The following TRPM7 variants were observed in gnomAD, a reference collection of about 807,000 sequenced individuals.
The protein encoded by TRPM7 is transient receptor potential cation channel subfamily M member 7, also known as LTRPC ion channel family member 7.
In TRPM7, 134 loss-of-function variants were observed where a neutral mutation model predicts 229.7. The observed-to-expected ratio is 0.58, with a 90% CI of 0.51 to 0.67. TRPM7 has a LOEUF of 0.67. Ranked by LOEUF, TRPM7 falls within the 30% of genes least tolerant of loss-of-function variation. The probability of loss-of-function intolerance (pLI) is 0.00; values close to 1 mark genes in which losing one functional copy is unlikely to be tolerated. For missense variants in TRPM7, 1,901 were observed against 2,210.0 expected, an observed-to-expected ratio of 0.86 and a Z score of 2.80; for synonymous variants, 699 against 715.2, an observed-to-expected ratio of 0.98 and a Z score of 0.36.
Position 50,657,804 on chromosome 15 carries a change from A to G in TRPM7, c.99T>C (p.Cys33=), listed in dbSNP as rs1459225063. 1 of 1,612,060 alleles carries G rather than the reference A, an allele frequency of 6.2e-7. No individual in the cohort carries two copies. The highest frequency in any genetic ancestry group is 1.7e-5 in the Admixed American group (1 of 59,978). The change falls in exon 3 of 39, where the codon TGT becomes TGC. Residue 33 remains cysteine, a synonymous_variant. Transcript: ENST00000646667. ...ACCTGACGAGTTGCTGACAAATTTG[A>G]CATCCTGGAAGGCATCTATTGAACA... ...SKDPHRCLPG[C]QICQQLVRCF... is the part of the protein sequence containing the mutation.
intron 36 of TRPM7, among the ~76,000 whole-genome samples, chr15:50,571,512 C>T (rs2053884646): frequency 6.6e-6 from 1 of 151,532 alleles, no homozygotes; most frequent in East Asian, 1.9e-4. Flanking sequence ...TAGACTATCA[C>T]GCAGCTTACT....
At chr15:50,609,255 A>G (rs138087346) in intron 19 of TRPM7, among the ~76,000 whole-genome samples, 5 of 152,332 alleles carry the variant, frequency 3.3e-5, no homozygotes, top group East Asian at 1.9e-4. Context: ...ACAAAAAATT[A>G]TAACTGTGTA....
intron 1 of TRPM7, among the ~76,000 whole-genome samples, chr15:50,663,954 G>C (rs2061805279): frequency 6.6e-6 from 1 of 150,590 alleles, no homozygotes; most frequent in African/African-American, 2.4e-5. Flanking sequence ...AAGAGTGAGA[G>C]ACTCTGTCTC....
intron 2 of TRPM7, among the ~76,000 whole-genome samples, chr15:50,659,170 A>C (rs1488168509): frequency 2.0e-5 from 3 of 150,764 alleles, no homozygotes; most frequent in African/African-American, 7.3e-5. Context: ...ACCAGCCTGG[A>C]TGACAGAGCG....
intron 38 of TRPM7, among the ~76,000 whole-genome samples, chr15:50,567,812 G>A (rs1332770205): frequency 6.6e-6 from 1 of 152,040 alleles, no homozygotes; most frequent in Non-Finnish European, 1.5e-5. Context: ...GAGTAGGCCG[G>A]GCACGGTGGC....
At chr15:50,634,615 G>A (rs1452185226) in intron 7 of TRPM7, 59 bp from the exon 8 acceptor site, 6 of 1,243,430 alleles carry the variant, frequency 4.8e-6, no homozygotes, top group South Asian at 3.0e-5. Flanking sequence ...TTCTCTCCAA[G>A]AAAAAAAAAT....
At chr15:50,678,862 C>T (rs559736601) in intron 1 of TRPM7, among the ~76,000 whole-genome samples, 1 of 135,270 alleles carries the variant, frequency 7.4e-6, no homozygotes, top group Non-Finnish European at 1.6e-5. Context: ...AGAAACCCAT[C>T]TTTGCAAAAA....
At chr15:50,565,962 T>C (rs1319413640) in intron 38 of TRPM7, among the ~76,000 whole-genome samples, 4 of 152,062 alleles carry the variant, frequency 2.6e-5, no homozygotes, top group Non-Finnish European at 5.9e-5. Context: ...TAGCTGGGAT[T>C]ACAGGCACCC....
chr15:50,584,145 A>C (rs1038921086), intron 28 of TRPM7, among the ~76,000 whole-genome samples: 1 of 152,142 alleles, frequency 6.6e-6, no homozygotes, highest in Non-Finnish European at 1.5e-5. Flanking sequence ...TTAAGTTACA[A>C]ATCAACTTAG....
chr15:50,592,371 T>A lies in TRPM7; in HGVS notation c.3864A>T (p.Val1288=), dbSNP rs758078973. 6.2e-7 allele frequency: 1 copy of A among 1,614,066 alleles called. No individual in the cohort carries two copies. Among genetic ancestry groups the A allele is most frequent in the Non-Finnish European group, 8.5e-7 (1 of 1,180,036 alleles). ...LIDDGPVRPS[V]WKKHGVVNTL... Reference sequence around the variant, plus strand: ...TATTTACAACACCATGCTTTTTCCATACAGAAGGTCTTACAGGACCATCAT... The same window carrying A: ...TATTTACAACACCATGCTTTTTCCAAACAGAAGGTCTTACAGGACCATCAT... Residue 1288 remains valine (V), a synonymous_variant, in exon 26 of 39, where the codon GTA becomes GTT. Transcript: ENST00000646667.
At chr15:50,600,423 C>A (rs928885287) in intron 21 of TRPM7, among the ~76,000 whole-genome samples, 1 of 144,008 alleles carries the variant, frequency 6.9e-6, no homozygotes, top group Non-Finnish European at 1.5e-5. Context: ...GGAGACAGAG[C>A]GAGACTCCAT....
At position 50,557,731 on chromosome 15, in the gene TRPM7, C is replaced by T. The variant is rs2053185553; in HGVS notation, c.*3947G>A. The stretch of plus-strand genomic sequence containing the variant: ...CAATCTAGGCTCACTGCAACCTCCA[C>T]CTCTTGGGTTCAAGCAATTCTCCTG... On this transcript the variant is annotated 3_prime_UTR_variant, in exon 39 of 39. Coordinates refer to ENST00000646667, the MANE Select transcript of TRPM7 (RefSeq NM_017672.6). 1 of 152,258 alleles carries T rather than the reference C, an allele frequency of 6.6e-6. No homozygotes were observed. The highest frequency in any genetic ancestry group is 6.5e-5 in the Admixed American group (1 of 15,280). The allele number at this position is 152,258 out of a possible 1,614,324, so 9.4% of individuals were successfully genotyped here.
At chr15:50,610,022 A>C (rs1242571482) in intron 17 of TRPM7, 61 bp from the exon 18 acceptor site, 7 of 1,192,554 alleles carry the variant, frequency 5.9e-6, no homozygotes. Flanking sequence ...AATATAATAA[A>C]AACAAAACAA....
At chr15:50,658,747 T>C (rs1341555514) in intron 2 of TRPM7, among the ~76,000 whole-genome samples, 1 of 152,176 alleles carries the variant, frequency 6.6e-6, no homozygotes, top group East Asian at 1.9e-4. Flanking sequence ...CTAAAACACA[T>C]CTGTAGTATA....
Position 50,596,391 on chromosome 15 carries a change from G to C in TRPM7, c.3164-10C>G. On this transcript the variant is annotated splice_polypyrimidine_tract_variant and intron_variant, in intron 22 of 38. Coordinates refer to ENST00000646667, the MANE Select transcript of TRPM7 (RefSeq NM_017672.6). Reference sequence around the variant, plus strand: ...GAATCATTTGCACACACTTTAGAGAGAAAAAAAGAAAAAAACAAAAACAAC... The same window carrying C: ...GAATCATTTGCACACACTTTAGAGACAAAAAAAGAAAAAAACAAAAACAAC... 1 of 1,551,824 alleles carries C rather than the reference G, an allele frequency of 6.4e-7. No homozygotes were observed. The highest frequency in any genetic ancestry group is 8.6e-7 in the Non-Finnish European group (1 of 1,156,882).
At chr15:50,647,436 T>C (rs1036175692) in intron 4 of TRPM7, among the ~76,000 whole-genome samples, 5 of 151,264 alleles carry the variant, frequency 3.3e-5, no homozygotes, top group Non-Finnish European at 7.4e-5. Context: ...TGACCTATAA[T>C]ATTCTTTTTC....
intron 1 of TRPM7, among the ~76,000 whole-genome samples, chr15:50,678,516 AAATATATAT>A (rs1275467199): frequency 4.0e-5 from 4 of 99,330 alleles, no homozygotes; most frequent in Non-Finnish European, 8.2e-5. Flanking sequence ...TAAAAAAAAA[AAATATATAT>A]ATATATATAT....
At chr15:50,635,457 A>G (rs563545207) in intron 7 of TRPM7, among the ~76,000 whole-genome samples, 1 of 151,574 alleles carries the variant, frequency 6.6e-6, no homozygotes, top group African/African-American at 2.4e-5. Flanking sequence ...AGGTCAGGAG[A>G]TCGAGACCTT....
rs2061339241 is a variant in TRPM7 at position 50,648,830 on chromosome 15, T to A, written c.178A>T (p.Met60Leu). The A allele has an allele frequency of 1.2e-6, 2 of 1,613,004 alleles. No homozygotes were observed. The highest frequency in any genetic ancestry group is 1.7e-6 in the Non-Finnish European group (2 of 1,179,386). The stretch of plus-strand genomic sequence containing the variant: ...CCCAATTTCACATCTGAGTATTTCA[T>A]GGCAAGACTTGCAGTAAAACAAGCA... ...QHACFTASLAMKYSDVKLGDH... is the reference protein window; with the variant it reads ...QHACFTASLALKYSDVKLGDH... Residue 60 changes from methionine to leucine, a missense_variant, in exon 4 of 39, where the codon ATG (methionine) becomes TTG (leucine). Physicochemically the swap from Met to Leu is conservative, Grantham distance 15. Transcript: ENST00000646667.
Sources: allele counts gnomAD v4.1 joint callset (sites outside exome capture counted in the v4.1 genomes callset), GRCh38; gene constraint gnomAD v4.1.1; transcripts MANE v1.5; gene names NCBI Gene and HGNC (gene_info 2026-07-23, HGNC 2026-07-21).